The following VPS13B variants were observed in gnomAD, a reference collection of about 807,000 sequenced individuals.
VPS13B encodes intermembrane lipid transfer protein VPS13B.
Under a neutral mutation model 426.4 loss-of-function variants are expected in VPS13B, and 285 were observed. The ratio of observed to expected loss-of-function variants is 0.67; its 90% confidence interval spans 0.61 to 0.74. VPS13B has a LOEUF of 0.74. Ranked by LOEUF, VPS13B falls within the 30% of genes least tolerant of loss-of-function variation. The pLI is 0.00. For synonymous variants in VPS13B, 1,676 were observed against 1,676.4 expected (o/e 1.00, Z 0.01); for missense variants, 4,537 against 4,782.6 (o/e 0.95, Z 1.51).
chr8:99,064,679 A>G (rs1334830008), intron 3 of VPS13B, among the ~76,000 whole-genome samples: 1 of 152,204 alleles, frequency 6.6e-6, no homozygotes, highest in African/African-American at 2.4e-5. Context: ...GTTGGAAAAC[A>G]CTATGCAGGT....
At chr8:99,384,123 A>G (rs183708842) in intron 19 of VPS13B, 85 bp from the exon 20 acceptor site, 4 of 1,095,216 alleles carry the variant, frequency 3.7e-6, no homozygotes, top group East Asian at 2.4e-5. Context: ...GTTATGTCAT[A>G]GCTATCCTAC....
chr8:99,838,422 C>T (rs1311040725), intron 54 of VPS13B, among the ~76,000 whole-genome samples: 2 of 152,154 alleles, frequency 1.3e-5, no homozygotes, highest in Non-Finnish European at 2.9e-5. Context: ...TACTCTGAAA[C>T]CACTTTTGTC....
chr8:99,749,275 C>T (rs1810272533), intron 39 of VPS13B, among the ~76,000 whole-genome samples: 1 of 151,828 alleles, frequency 6.6e-6, no homozygotes, highest in African/African-American at 2.4e-5. Flanking sequence ...TTTTTAAATG[C>T]ACAGTAAATT....
rs553141649 is a variant in VPS13B, at chr8:99,854,275, G to A, written c.10867+19G>A. On this transcript the variant is annotated intron_variant, in intron 56 of 61. Coordinates refer to ENST00000357162, the MANE Select transcript of VPS13B (RefSeq NM_152564.5). The stretch of plus-strand genomic sequence containing the variant: ...AGAGCAGGTAAGAACACAAGCTGAG[G>A]GTCTGTGATGAGCTAGAGCCCGGGT... The A allele has an allele frequency of 6.2e-7, 1 of 1,610,632 alleles. No individual in the cohort carries two copies. The highest frequency in any genetic ancestry group is 1.7e-5 in the Admixed American group (1 of 59,600).
chr8:99,264,002 A>G (rs112332818), intron 17 of VPS13B, among the ~76,000 whole-genome samples: 218 of 152,336 alleles, frequency 1.4e-3, no homozygotes, highest in African/African-American at 4.9e-3. Context: ...GAGTTAGAAT[A>G]TGCTACCAAT....
At chr8:99,412,243 C>T (rs577153749) in intron 21 of VPS13B, among the ~76,000 whole-genome samples, 10 of 152,260 alleles carry the variant, frequency 6.6e-5, no homozygotes, top group African/African-American at 2.4e-4. Flanking sequence ...TCTCTTATTT[C>T]GTTGAGCAGT....
At chr8:99,185,487 C>A (rs1395307557) in intron 16 of VPS13B, among the ~76,000 whole-genome samples, 1 of 152,068 alleles carries the variant, frequency 6.6e-6, no homozygotes, top group African/African-American at 2.4e-5. Context: ...GAACTGTACT[C>A]ATTTTATTTT....
intron 19 of VPS13B, chr8:99,347,717 C>T (rs942754979): frequency 6.6e-6 from 1 of 152,284 alleles, no homozygotes; most frequent in African/African-American, 2.4e-5. Context: ...GCATCAGCCT[C>T]CCCAGCTCCA....
At chr8:99,257,182 G>A (rs1255185136) in intron 17 of VPS13B, among the ~76,000 whole-genome samples, 1 of 152,084 alleles carries the variant, frequency 6.6e-6, no homozygotes, top group African/African-American at 2.4e-5. Context: ...TGTGAGTTTT[G>A]GAGGGAATAT....
chr8:99,154,151 T>A (rs1588093501), intron 14 of VPS13B, among the ~76,000 whole-genome samples: 1 of 141,182 alleles, frequency 7.1e-6, no homozygotes, highest in Non-Finnish European at 1.5e-5. Flanking sequence ...TGTATGTAGG[T>A]TTTTTTTGTT....
chr8:99,679,883 T>C (rs949909170), intron 35 of VPS13B, among the ~76,000 whole-genome samples: 4 of 152,096 alleles, frequency 2.6e-5, no homozygotes, highest in Non-Finnish European at 4.4e-5. Flanking sequence ...GAGAAAAAAA[T>C]ATTATGACCT....
At chr8:99,622,706 T>C (rs1206642266) in intron 33 of VPS13B, among the ~76,000 whole-genome samples, 1 of 152,196 alleles carries the variant, frequency 6.6e-6, no homozygotes, top group Non-Finnish European at 1.5e-5. Flanking sequence ...CTTTCTCCAA[T>C]CCTACCGCAT....
chr8:99,574,153 A>G (rs975297524), intron 31 of VPS13B, among the ~76,000 whole-genome samples: 2 of 152,142 alleles, frequency 1.3e-5, no homozygotes, highest in Non-Finnish European at 2.9e-5. Context: ...TTGATTTTGT[A>G]TCCTGAGACT....
chr8:99,343,076 G>A (rs1206075787), intron 19 of VPS13B, among the ~76,000 whole-genome samples: 3 of 151,362 alleles, frequency 2.0e-5, no homozygotes, highest in Non-Finnish European at 4.4e-5. Context: ...AAATGTTCAG[G>A]TTTATTGCCC....
intron 33 of VPS13B, among the ~76,000 whole-genome samples, chr8:99,612,523 T>G (rs1355016570): frequency 6.6e-6 from 1 of 152,190 alleles, no homozygotes; most frequent in Non-Finnish European, 1.5e-5. Context: ...AGAGTAATTA[T>G]CCTAAGGTTT....
intron 19 of VPS13B, among the ~76,000 whole-genome samples, chr8:99,313,761 C>T (rs911282370): frequency 6.6e-6 from 1 of 152,170 alleles, no homozygotes; most frequent in African/African-American, 2.4e-5. Flanking sequence ...GCCCTGTCCC[C>T]AGAGGTGGAG....
intron 3 of VPS13B, among the ~76,000 whole-genome samples, chr8:99,056,990 T>A (rs565309008): frequency 1.3e-5 from 2 of 152,288 alleles, no homozygotes; most frequent in South Asian, 4.1e-4. Context: ...ATTTTTAATA[T>A]TATCATATGT....
At chr8:99,210,684 C>T (rs1185231825) in intron 17 of VPS13B, among the ~76,000 whole-genome samples, 1 of 152,020 alleles carries the variant, frequency 6.6e-6, no homozygotes, top group African/African-American at 2.4e-5. Flanking sequence ...TGGCTCACTG[C>T]AACTTCAGCC....
intron 40 of VPS13B, among the ~76,000 whole-genome samples, chr8:99,775,979 G>GGAA (rs1177368989): frequency 6.6e-6 from 1 of 152,164 alleles, no homozygotes; most frequent in East Asian, 1.9e-4. Context: ...CCCATGCATT[G>GGAA]TAATTGTCCA....
Sources: allele counts gnomAD v4.1 joint callset (sites outside exome capture counted in the v4.1 genomes callset), GRCh38; gene constraint gnomAD v4.1.1; transcripts MANE v1.5; gene names NCBI Gene and HGNC (gene_info 2026-07-23, HGNC 2026-07-21).